Variants in PRDM5 observed in about 807,000 individuals in gnomAD.
PRDM5 encodes PR/SET domain 5.
PRDM5 carries 56 observed loss-of-function variants against 81.2 expected under a neutral mutation model. That is an observed-to-expected ratio of 0.69 (90% CI 0.56 to 0.86). PRDM5 has a LOEUF of 0.86. Ranked by LOEUF, PRDM5 falls within the 40% of genes least tolerant of loss-of-function variation. PRDM5 has a pLI of 0.00. For missense variants in PRDM5, 697 were observed against 770.1 expected (o/e 0.91, Z 1.12); for synonymous variants, 267 against 256.4 (o/e 1.04, Z -0.39).
chr4:120,816,725 T>A, intron 6 of PRDM5, 107 bp downstream of exon 6: 1 of 1,515,162 alleles, frequency 6.6e-7, no homozygotes, highest in Non-Finnish European at 9.2e-7. Context: ...GAAAAGCATT[T>A]AAATTCTGTA....
At chr4:120,781,354 T>A (rs1205334892) in intron 11 of PRDM5, 51 bp from the exon 12 acceptor site, 9 of 1,536,242 alleles carry the variant, frequency 5.9e-6, no homozygotes, top group Non-Finnish European at 8.1e-6. Context: ...TCCTATTAAT[T>A]TCCTCCCATG....
At chr4:120,760,351 T>A (rs1463785) in intron 13 of PRDM5, among the ~76,000 whole-genome samples, 20,859 of 152,048 alleles carry the variant, frequency 0.14, 2,073 homozygotes, top group African/African-American at 0.26. Context: ...CCAAACACTA[T>A]CATAATAATA....
At chr4:120,843,592 T>C (rs1758304415) in intron 3 of PRDM5, among the ~76,000 whole-genome samples, 1 of 149,942 alleles carries the variant, frequency 6.7e-6, no homozygotes, top group African/African-American at 2.5e-5. Context: ...TGGTCACAGC[T>C]ACTTGGAAGG....
chr4:120,721,680 A>G (rs747779116), intron 14 of PRDM5, among the ~76,000 whole-genome samples: 3 of 152,224 alleles, frequency 2.0e-5, no homozygotes, highest in Non-Finnish European at 2.9e-5. Flanking sequence ...CTCACTTTAC[A>G]ATGAAGAAAC....
intron 13 of PRDM5, among the ~76,000 whole-genome samples, chr4:120,755,970 C>G (rs966220171): frequency 3.3e-5 from 5 of 152,186 alleles, no homozygotes; most frequent in Admixed American, 2.6e-4. Context: ...ACAACAATCA[C>G]AACACAAACA....
At chr4:120,821,419 A>G (rs1755253738) in intron 3 of PRDM5, 74 bp from the exon 4 acceptor site, 3 of 1,371,896 alleles carry the variant, frequency 2.2e-6, no homozygotes, top group Non-Finnish European at 2.1e-6. Flanking sequence ...TTTAAGATAC[A>G]TTAATGGAGT....
At chr4:120,855,743 A>G (rs1366261076) in intron 2 of PRDM5, among the ~76,000 whole-genome samples, 2 of 152,228 alleles carry the variant, frequency 1.3e-5, no homozygotes, top group Admixed American at 6.5e-5. Flanking sequence ...CTAATACTTG[A>G]AAGAAAAATT....
chr4:120,738,428 A>C (rs1741433304), intron 14 of PRDM5, among the ~76,000 whole-genome samples: 1 of 148,838 alleles, frequency 6.7e-6, no homozygotes, highest in Non-Finnish European at 1.5e-5. Flanking sequence ...CTCTTAATTT[A>C]ACTTATTTAT....
chr4:120,785,002 A>C lies in PRDM5; in HGVS notation c.1278T>G (p.His426Gln). 6.3e-7 allele frequency: 1 copy of C among 1,589,342 alleles called. No individual in the cohort carries two copies. The change falls in exon 11 of 16, where the codon CAT becomes CAG. Residue 426 changes from histidine (H) to glutamine (Q), a missense_variant. Around this residue, in one of 3 missense-constraint regions of PRDM5, gnomAD observed 577 missense variants for 606.7 expected, o/e 0.95. Coordinates refer to ENST00000264808, the MANE Select transcript of PRDM5 (RefSeq NM_018699.4). ...PFSLQRHLLI[H>Q]NSERTFKCHH... ...ACTGCCTGAATCGTGACTTACTGTT[A>C]TGTATTAGCAGGTGTCTCTGTAAAG...
In PRDM5 at chr4:120,765,464, C is replaced by A. The variant is rs115263478; in HGVS notation, c.1538-10826G>T. Among the ~76,000 whole-genome samples the A allele has an allele frequency of 3.3e-3, 498 of 152,314 alleles. 3 individuals are homozygous for A. Among genetic ancestry groups the A allele is most frequent in the African/African-American group, 0.012 (490 of 41,568 alleles). On this transcript the variant is annotated intron_variant, in intron 13 of 15. Transcript: ENST00000264808. ...TCCGTGGATTCCCTTGCTGAATTAACCTCAGCTCTCACTGACCCTAAGAAG... is the reference window on the plus strand; with the variant it reads ...TCCGTGGATTCCCTTGCTGAATTAAACTCAGCTCTCACTGACCCTAAGAAG...
intron 4 of PRDM5, among the ~76,000 whole-genome samples, chr4:120,820,694 A>T (rs1010945419): frequency 6.6e-6 from 1 of 152,220 alleles, no homozygotes; most frequent in Admixed American, 6.5e-5. Context: ...TTCCCAAAAG[A>T]TCCCAAACAA....
At chr4:120,881,454 C>T (rs1052580988) in intron 2 of PRDM5, among the ~76,000 whole-genome samples, 1 of 152,114 alleles carries the variant, frequency 6.6e-6, no homozygotes, top group African/African-American at 2.4e-5. Context: ...ACAGAGTCTA[C>T]TTCAAAAAAC....
At chr4:120,815,215 G>T (rs189264667) in intron 7 of PRDM5, among the ~76,000 whole-genome samples, 1 of 152,124 alleles carries the variant, frequency 6.6e-6, no homozygotes, top group African/African-American at 2.4e-5. Context: ...AAAAAACTAC[G>T]AAGGCAAGTC....
chr4:120,702,079 G>A (rs1327652269), intron 15 of PRDM5, among the ~76,000 whole-genome samples: 1 of 152,164 alleles, frequency 6.6e-6, no homozygotes, highest in Non-Finnish European at 1.5e-5. Flanking sequence ...GGGCAAGCAT[G>A]CAAGTAATGC....
At chr4:120,717,989 A>G (rs889287046) in intron 14 of PRDM5, among the ~76,000 whole-genome samples, 1 of 152,216 alleles carries the variant, frequency 6.6e-6, no homozygotes, top group African/African-American at 2.4e-5. Context: ...CTTGTAGGCA[A>G]TGAAAGAAAA....
intron 2 of PRDM5, among the ~76,000 whole-genome samples, chr4:120,876,692 A>G (rs1305931330): frequency 6.6e-6 from 1 of 152,258 alleles, no homozygotes; most frequent in Non-Finnish European, 1.5e-5. Context: ...TTAAAATTTT[A>G]TAAGCTTTAT....
At chr4:120,696,733 G>T (rs553280014) in intron 15 of PRDM5, among the ~76,000 whole-genome samples, 18 of 152,038 alleles carry the variant, frequency 1.2e-4, no homozygotes, top group South Asian at 1.0e-3. Flanking sequence ...TTCCTCAGCA[G>T]ATTGGAAAGA....
chr4:120,766,071 T>C (rs1455680034), intron 13 of PRDM5, among the ~76,000 whole-genome samples: 1 of 151,972 alleles, frequency 6.6e-6, no homozygotes, highest in African/African-American at 2.4e-5. Flanking sequence ...GCGATTCTCC[T>C]GCCTCAGCCT....
chr4:120,910,223 C>T (rs748095501), intron 1 of PRDM5, among the ~76,000 whole-genome samples: 3 of 152,098 alleles, frequency 2.0e-5, no homozygotes, highest in East Asian at 1.9e-4. Flanking sequence ...AGTACCTTAC[C>T]GGGTCTGTTA....
Sources: allele counts gnomAD v4.1 joint callset (sites outside exome capture counted in the v4.1 genomes callset), GRCh38; gene constraint gnomAD v4.1.1; regional missense constraint gnomAD v4.1.1; transcripts MANE v1.5; gene names NCBI Gene and HGNC (gene_info 2026-07-23, HGNC 2026-07-21).